Variants in TPRG1 observed in about 807,000 individuals in gnomAD.
TPRG1 encodes tumor protein p63 regulated 1, also known as tumor protein p63-regulated gene 1 protein.
In TPRG1, 29 loss-of-function variants were observed where a neutral mutation model predicts 29.3. The ratio of observed to expected loss-of-function variants is 0.99; its 90% CI spans 0.74 to 1.35. The LOEUF (loss-of-function observed/expected upper bound fraction) is 1.35. Ranked by LOEUF, TPRG1 falls within the 40% of genes most tolerant of loss-of-function variation. The probability of loss-of-function intolerance (pLI) is 0.00; values close to 1 mark genes in which losing one functional copy is unlikely to be tolerated. For missense variants in TPRG1, 327 were observed against 335.0 expected (o/e 0.98, Z 0.19); for synonymous variants, 130 against 116.8 (o/e 1.11, Z -0.73).
At chr3:189,263,370 C>G (rs1287950705) in intron 4 of TPRG1, among the ~76,000 whole-genome samples, 7 of 152,152 alleles carry the variant, frequency 4.6e-5, no homozygotes, top group African/African-American at 1.4e-4. Flanking sequence ...AGCTTGGTGC[C>G]TCCGAGGAAC....
rs566856050 is a variant in TPRG1 at position 189,014,051 on chromosome 3, G to T, written c.-660+9291G>T. Reference sequence around the variant, plus strand: ...GTGAATTTGATCCTGCCATCATGATGCTAGCTGGTTACTTTGCAGACTTGT... The same window carrying T: ...GTGAATTTGATCCTGCCATCATGATTCTAGCTGGTTACTTTGCAGACTTGT... On this transcript the variant is annotated intron_variant, in intron 3 of 10. Coordinates refer to the TPRG1 transcript ENST00000433971. Among the ~76,000 whole-genome samples, 3 of 152,240 alleles carry T rather than the reference G, an allele frequency of 2.0e-5. No individual in the cohort carries two copies. In the East Asian group the frequency reaches 5.8e-4, roughly 29 times the overall value.
chr3:189,141,647 G>C (rs1259868956), intron 3 of TPRG1, among the ~76,000 whole-genome samples: 1 of 152,176 alleles, frequency 6.6e-6, no homozygotes, highest in African/African-American at 2.4e-5. Context: ...TGAGCACTTT[G>C]AGAAGAGAAT....
intron 3 of TPRG1, among the ~76,000 whole-genome samples, chr3:189,137,653 C>T (rs989782664): frequency 3.3e-5 from 5 of 151,942 alleles, no homozygotes; most frequent in African/African-American, 1.2e-4. Context: ...CAGTAGGGTG[C>T]CAAGTGGGAA....
At chr3:189,133,522 C>T (rs918114554) in intron 3 of TPRG1, among the ~76,000 whole-genome samples, 7 of 152,108 alleles carry the variant, frequency 4.6e-5, no homozygotes, top group Admixed American at 6.5e-5. Flanking sequence ...TGATAGTTCT[C>T]ACAAGACCTG....
At chr3:189,094,219 G>A (rs993936674) in intron 4 of TPRG1, among the ~76,000 whole-genome samples, 1 of 152,162 alleles carries the variant, frequency 6.6e-6, no homozygotes, top group South Asian at 2.1e-4. Context: ...TAACAGGGTA[G>A]CGTATGAAGT....
chr3:189,231,483 T>A (rs1033679361), intron 3 of TPRG1, among the ~76,000 whole-genome samples: 7 of 152,168 alleles, frequency 4.6e-5, no homozygotes, highest in African/African-American at 1.7e-4. Context: ...AGAAGAATCT[T>A]CATCATCGTC....
chr3:189,027,644 C>T (rs991256962), intron 4 of TPRG1, among the ~76,000 whole-genome samples: 4 of 151,986 alleles, frequency 2.6e-5, no homozygotes, highest in African/African-American at 4.8e-5. Flanking sequence ...TGCTGTATTC[C>T]GTGCTGCTTG....
At chr3:189,107,566 C>G (rs541319226) in intron 1 of TPRG1, among the ~76,000 whole-genome samples, 1 of 152,080 alleles carries the variant, frequency 6.6e-6, no homozygotes, top group East Asian at 1.9e-4. Flanking sequence ...CACCCCTTAG[C>G]CTTTTTGTTT....
intron 4 of TPRG1, among the ~76,000 whole-genome samples, chr3:189,070,453 G>A (rs1006540936): frequency 3.3e-5 from 5 of 152,072 alleles, no homozygotes; most frequent in African/African-American, 9.7e-5. Flanking sequence ...CCCTTCTCTG[G>A]GGATATTTGA....
intron 4 of TPRG1, among the ~76,000 whole-genome samples, chr3:189,263,280 T>G (rs189973892): frequency 3.3e-4 from 50 of 152,332 alleles, no homozygotes; most frequent in African/African-American, 1.1e-3. Context: ...TTTGGTATTG[T>G]GATCAGAATG....
rs147432537 is a variant in TPRG1, at chr3:189,054,977, A to G, written c.-463+31031A>G. 2.0e-4 allele frequency among the ~76,000 whole-genome samples: 30 copies of G among 152,312 alleles called. 1 individual carries two copies. The East Asian group carries it at 5.2e-3, about 26-fold the overall frequency. The stretch of plus-strand genomic sequence containing the variant: ...CAAACCTTCAGATTGTAAAAAATGC[A>G]CCATCTGCAAAGTGCAATAAAGTGG... On this transcript the variant is annotated intron_variant, in intron 4 of 10. Transcript: ENST00000433971.
chr3:189,040,962 G>C lies in TPRG1; in HGVS notation c.-463+17016G>C, dbSNP rs375649493. On this transcript the variant is annotated intron_variant, in intron 4 of 10. Coordinates refer to the TPRG1 transcript ENST00000433971. ...AGGCTCCTCAAGCCTGTTCAGCCCT[G>C]GTCGCCCCTCCACAGTCTTCTGGTC... Among the ~76,000 whole-genome samples the C allele has an allele frequency of 4.6e-5, 7 of 152,254 alleles. No homozygotes were observed. In the East Asian group the frequency reaches 1.2e-3, roughly 25 times the overall value.
At chr3:189,252,865 T>C (rs1454149461) in intron 4 of TPRG1, among the ~76,000 whole-genome samples, 1 of 152,212 alleles carries the variant, frequency 6.6e-6, no homozygotes, top group African/African-American at 2.4e-5. Context: ...CCCATTTTTT[T>C]ATTTTCAAAA....
chr3:189,293,430 T>C (rs141102168), intron 4 of TPRG1, among the ~76,000 whole-genome samples: 36 of 152,130 alleles, frequency 2.4e-4, no homozygotes, highest in Non-Finnish European at 4.6e-4. Context: ...CTCTCACCCC[T>C]GAAAAGGGAT....
intron 4 of TPRG1, among the ~76,000 whole-genome samples, chr3:189,271,782 G>A (rs1021084221): frequency 4.6e-5 from 7 of 152,192 alleles, no homozygotes; most frequent in Non-Finnish European, 7.3e-5. Context: ...TTGGGGAAAA[G>A]CATGTGCTTG....
At chr3:189,015,131 G>C (rs1712858896) in intron 3 of TPRG1, among the ~76,000 whole-genome samples, 1 of 152,186 alleles carries the variant, frequency 6.6e-6, no homozygotes, top group Non-Finnish European at 1.5e-5. Flanking sequence ...TTCTCAGGTG[G>C]AGATGAAGAA....
chr3:189,222,460 T>G (rs1319159635), intron 3 of TPRG1, among the ~76,000 whole-genome samples: 2 of 152,218 alleles, frequency 1.3e-5, no homozygotes, highest in Non-Finnish European at 2.9e-5. Flanking sequence ...CATGGATTTT[T>G]GTACGCGCTC....
intron 3 of TPRG1, among the ~76,000 whole-genome samples, chr3:189,146,451 G>A (rs1194418646): frequency 6.6e-6 from 1 of 152,164 alleles, no homozygotes; most frequent in African/African-American, 2.4e-5. Flanking sequence ...ACATCATAAT[G>A]GATTCTCAAA....
intron 4 of TPRG1, among the ~76,000 whole-genome samples, chr3:189,056,879 C>T (rs1349530192): frequency 1.3e-5 from 2 of 152,136 alleles, no homozygotes; most frequent in African/African-American, 4.8e-5. Flanking sequence ...CTTTGGAAAG[C>T]CTCAGTACTA....
Sources: allele counts gnomAD v4.1 joint callset (sites outside exome capture counted in the v4.1 genomes callset), GRCh38; gene constraint gnomAD v4.1.1; transcripts MANE v1.5; gene names NCBI Gene and HGNC (gene_info 2026-07-23, HGNC 2026-07-21).